Variants in LYN observed in about 807,000 individuals in gnomAD.
The protein encoded by LYN is tyrosine-protein kinase Lyn.
LYN carries 12 observed loss-of-function variants against 65.0 expected under a neutral mutation model. The ratio of observed to expected loss-of-function variants is 0.18; its 90% confidence interval spans 0.12 to 0.30. The LOEUF (loss-of-function observed/expected upper bound fraction) is 0.30, where lower values mean the gene tolerates loss of function less well. Among genes scored for constraint, LYN ranks in the 10% least tolerant of loss-of-function variants. The pLI is 1.00. For missense variants in LYN, 380 were observed against 623.2 expected (o/e 0.61, Z 4.16); for synonymous variants, 222 against 221.2 (o/e 1.00, Z -0.03).
chr8:55,987,281 C>A (rs566524168), intron 10 of LYN, among the ~76,000 whole-genome samples: 1 of 151,538 alleles, frequency 6.6e-6, no homozygotes, highest in Non-Finnish European at 1.5e-5. Context: ...AGTGTGGTGG[C>A]GAGTAGGTCC....
chr8:55,948,454 C>T (rs1362742879), intron 4 of LYN, among the ~76,000 whole-genome samples: 1 of 152,214 alleles, frequency 6.6e-6, no homozygotes, highest in Non-Finnish European at 1.5e-5. Context: ...GGGAAATTCT[C>T]AACTCAGCAG....
rs1808776495 is a variant in LYN, at chr8:56,010,187, T to C, written c.*77T>C. On this transcript the variant is annotated 3_prime_UTR_variant, in exon 13 of 13. Coordinates refer to ENST00000519728, the MANE Select transcript of LYN (RefSeq NM_002350.4). ...GAAAAGTAACCATCACTGGTTGCAC[T>C]TATGATTTCATGTGCGGGGATCATC... The C allele has an allele frequency of 6.9e-7, 1 of 1,443,466 alleles. No individual in the cohort carries two copies. Among genetic ancestry groups the C allele is most frequent in the African/African-American group, 1.4e-5 (1 of 71,512 alleles). 89.4% of individuals were successfully genotyped at this position (1,443,466 alleles called of 1,614,324 possible).
rs376920695 is a variant in LYN, at chr8:55,947,741, C to G, written c.284+18C>G. ...CTGGAGGAGTAAGTGCTCTCAAGCA[C>G]GCCACGGCTGCTCGTTTCCTCAGGC... On this transcript the variant is annotated intron_variant, in intron 4 of 12. Transcript: ENST00000519728. 6.5e-7 allele frequency: 1 copy of G among 1,547,042 alleles called. No individual in the cohort carries two copies. The highest frequency in any genetic ancestry group is 8.9e-7 in the Non-Finnish European group (1 of 1,119,464).
At chr8:55,978,661 A>T (rs1428779881) in intron 10 of LYN, among the ~76,000 whole-genome samples, 2 of 152,210 alleles carry the variant, frequency 1.3e-5, no homozygotes, top group African/African-American at 4.8e-5. Flanking sequence ...CAAGTCAGAG[A>T]GCAGGCTGGG....
chr8:55,970,721 T>A (rs1807587479), intron 10 of LYN, among the ~76,000 whole-genome samples: 1 of 151,588 alleles, frequency 6.6e-6, no homozygotes, highest in African/African-American at 2.4e-5. Context: ...TCACCTAAGG[T>A]AGGGCTGGAC....
intron 1 of LYN, among the ~76,000 whole-genome samples, chr8:55,892,805 A>G (rs1025098789): frequency 2.0e-5 from 3 of 152,154 alleles, no homozygotes; most frequent in African/African-American, 7.2e-5. Flanking sequence ...ATGTGTGTGT[A>G]TGTGTGTTTA....
At chr8:55,952,427 G>A (rs553303458) in intron 7 of LYN, among the ~76,000 whole-genome samples, 2 of 152,222 alleles carry the variant, frequency 1.3e-5, no homozygotes, top group African/African-American at 2.4e-5. Flanking sequence ...AGGCATAGTG[G>A]TGCGTGCCTG....
At chr8:56,005,641 G>A (rs1049807055) in intron 12 of LYN, among the ~76,000 whole-genome samples, 3 of 152,192 alleles carry the variant, frequency 2.0e-5, no homozygotes, top group African/African-American at 7.2e-5. Context: ...ATCAGAGATG[G>A]AGTTTAAGTT....
chr8:55,939,532 T>TGGG (rs147149362), intron 1 of LYN, among the ~76,000 whole-genome samples: 1 of 146,180 alleles, frequency 6.8e-6, no homozygotes, highest in Middle Eastern at 3.5e-3. Flanking sequence ...AGGAACGCAG[T>TGGG]GGGGGGGGGA....
At position 55,943,779 on chromosome 8, in the gene LYN, GTCT is replaced by G. The variant is rs1806696566; in HGVS notation, c.132+1793_132+1795del. On this transcript the variant is annotated intron_variant, in intron 2 of 12. Coordinates refer to ENST00000519728, the MANE Select transcript of LYN (RefSeq NM_002350.4). The stretch of plus-strand genomic sequence containing the variant: ...CATTGAGACAAAGAAATCAACATCG[GTCT>G]TCTTAAGAAGTGGAGATAGGCCAGG... Among the ~76,000 whole-genome samples the G allele has an allele frequency of 2.6e-5, 4 of 151,986 alleles. No homozygotes were observed. In the South Asian group the frequency reaches 8.3e-4, roughly 32 times the overall value.
intron 10 of LYN, among the ~76,000 whole-genome samples, chr8:55,981,800 G>C (rs2719245): frequency 0.15 from 22,268 of 152,270 alleles, 2,196 homozygotes; most frequent in Middle Eastern, 0.23. Context: ...AGTGAGAAAA[G>C]AAGAAGGAAG....
At chr8:55,911,285 ATTTTT>A (rs1209633804) in intron 1 of LYN, among the ~76,000 whole-genome samples, 1 of 27,782 alleles carries the variant, frequency 3.6e-5, no homozygotes, top group Non-Finnish European at 6.0e-5. Flanking sequence ...ATATATATAT[ATTTTT>A]TTTTTTTTTT....
At chr8:55,932,668 G>T (rs1806304288) in intron 1 of LYN, among the ~76,000 whole-genome samples, 1 of 152,224 alleles carries the variant, frequency 6.6e-6, no homozygotes. Context: ...TGATCCTCCT[G>T]CCCGGGCCTC....
intron 1 of LYN, among the ~76,000 whole-genome samples, chr8:55,923,895 A>G (rs1806019104): frequency 6.6e-6 from 1 of 152,032 alleles, no homozygotes; most frequent in South Asian, 2.1e-4. Context: ...TTTGAAAAAA[A>G]AAAATACACA....
At chr8:55,971,873 A>G (rs777552056) in intron 10 of LYN, among the ~76,000 whole-genome samples, 1 of 152,214 alleles carries the variant, frequency 6.6e-6, no homozygotes, top group Non-Finnish European at 1.5e-5. Context: ...GCTACTTTCT[A>G]GACCTTCATA....
intron 1 of LYN, among the ~76,000 whole-genome samples, chr8:55,911,192 C>CATAT (rs1554576222): frequency 0.35 from 3,032 of 8,716 alleles, 1,137 homozygotes; most frequent in Middle Eastern, 0.88. Flanking sequence ...TATATATACA[C>CATAT]ACACACATAT....
intron 2 of LYN, among the ~76,000 whole-genome samples, chr8:55,944,368 A>G (rs762529077): frequency 2.0e-5 from 3 of 152,150 alleles, no homozygotes; most frequent in Non-Finnish European, 4.4e-5. Context: ...AGAGTCACAA[A>G]TAGTTTTCTT....
chr8:55,897,981 A>C (rs1297374692), intron 1 of LYN, among the ~76,000 whole-genome samples: 2 of 152,214 alleles, frequency 1.3e-5, no homozygotes, highest in Non-Finnish European at 2.9e-5. Context: ...AAAAAATTAA[A>C]ATGAAAATAG....
At chr8:55,957,757 A>G (rs558056404) in intron 8 of LYN, among the ~76,000 whole-genome samples, 1 of 152,284 alleles carries the variant, frequency 6.6e-6, no homozygotes, top group African/African-American at 2.4e-5. Flanking sequence ...AGTCTGGACA[A>G]CATGGTGAAA....
Sources: allele counts gnomAD v4.1 joint callset (sites outside exome capture counted in the v4.1 genomes callset), GRCh38; gene constraint gnomAD v4.1.1; transcripts MANE v1.5; gene names NCBI Gene and HGNC (gene_info 2026-07-23, HGNC 2026-07-21).